Variants in RBFOX1 observed in about 807,000 individuals in gnomAD.
RBFOX1 encodes RNA binding protein fox-1 homolog 1.
RBFOX1 carries 8 observed loss-of-function variants against 57.7 expected under a neutral mutation model. That is an observed-to-expected ratio of 0.14 (90% CI 0.08 to 0.25). The LOEUF (loss-of-function observed/expected upper bound fraction) is 0.25, where lower values mean the gene tolerates loss of function less well. Ranked by LOEUF, RBFOX1 falls within the 10% of genes least tolerant of loss-of-function variation. The pLI, the probability that RBFOX1 is intolerant of heterozygous loss-of-function variation, is 1.00. For missense variants in RBFOX1, 611 were observed against 548.5 expected, an observed-to-expected ratio of 1.11 and a Z score of -1.14; for synonymous variants, 326 against 222.4, an observed-to-expected ratio of 1.47 and a Z score of -4.15.
At chr16:6,021,073 G>C (rs943828704) in intron 1 of RBFOX1, among the ~76,000 whole-genome samples, 1 of 152,204 alleles carries the variant, frequency 6.6e-6, no homozygotes, top group African/African-American at 2.4e-5. Context: ...CAGGCAGTCC[G>C]GGCAATTGGC....
At chr16:6,331,653 C>G (rs1307935960) in intron 2 of RBFOX1, among the ~76,000 whole-genome samples, 4 of 149,410 alleles carry the variant, frequency 2.7e-5, no homozygotes, top group Non-Finnish European at 5.9e-5. Flanking sequence ...CTTCTGTTTT[C>G]TATTCAGTGT....
At chr16:7,329,959 A>G (rs1038583443) in intron 4 of RBFOX1, among the ~76,000 whole-genome samples, 1 of 152,188 alleles carries the variant, frequency 6.6e-6, no homozygotes, top group African/African-American at 2.4e-5. Context: ...AACATTTGGC[A>G]CTGGGTATGT....
At chr16:6,104,863 G>A (rs1185675189) in intron 1 of RBFOX1, among the ~76,000 whole-genome samples, 1 of 152,192 alleles carries the variant, frequency 6.6e-6, no homozygotes, top group African/African-American at 2.4e-5. Flanking sequence ...TGAGATTCCT[G>A]TTTATGAAAT....
At chr16:5,888,726 G>A (rs2057962162) in intron 4 of RBFOX1, among the ~76,000 whole-genome samples, 1 of 151,636 alleles carries the variant, frequency 6.6e-6, no homozygotes, top group Non-Finnish European at 1.5e-5. Flanking sequence ...AATCCGGGAG[G>A]TGGAGGTTGC....
intron 2 of RBFOX1, among the ~76,000 whole-genome samples, chr16:6,345,971 G>A (rs571164068): frequency 2.3e-4 from 35 of 152,186 alleles, no homozygotes; most frequent in Non-Finnish European, 4.4e-4. Context: ...CGGGGAGGGG[G>A]ATTCCAGGTC....
chr16:5,518,689 A>G (rs1212769840), intron 2 of RBFOX1, among the ~76,000 whole-genome samples: 1 of 152,170 alleles, frequency 6.6e-6, no homozygotes, highest in African/African-American at 2.4e-5. Context: ...CCAGGGGTGC[A>G]ACTCTAGGGA....
At chr16:6,771,695 C>G (rs1188665015) in intron 3 of RBFOX1, among the ~76,000 whole-genome samples, 1 of 152,162 alleles carries the variant, frequency 6.6e-6, no homozygotes, top group Non-Finnish European at 1.5e-5. Context: ...ATTAGTGGAG[C>G]AAGGCACTAT....
At chr16:5,255,904 G>T (rs1296430765) in intron 1 of RBFOX1, among the ~76,000 whole-genome samples, 1 of 151,802 alleles carries the variant, frequency 6.6e-6, no homozygotes, top group Non-Finnish European at 1.5e-5. Context: ...ACTGTGCTTT[G>T]ATTTTCTTAT....
At chr16:5,879,500 T>G (rs965342808) in intron 4 of RBFOX1, among the ~76,000 whole-genome samples, 13 of 152,176 alleles carry the variant, frequency 8.5e-5, no homozygotes, top group African/African-American at 2.9e-4. Context: ...TGGCTAATTT[T>G]TGTATTTTTC....
Position 5,284,756 on chromosome 16 carries a change from A to ATTTTTTTTTTTTTTTTTTTTTTTTTT in RBFOX1, c.219+44652_219+44677dup, listed in dbSNP as rs1166998032. Reference sequence around the variant, plus strand: ...GCTGGGTATAGTAGTTTTGGCTTAGATTTTTTTTTTTTTTTTTTTTTTTTT... The same window carrying ATTTTTTTTTTTTTTTTTTTTTTTTTT: ...GCTGGGTATAGTAGTTTTGGCTTAGATTTTTTTTTTTTTTTTTTTTTTTTTTTTTTTTTTTTTTTTTTTTTTTTTTT... On this transcript the variant is annotated intron_variant, in intron 1 of 2. Transcript: ENST00000585867. Among the ~76,000 whole-genome samples the ATTTTTTTTTTTTTTTTTTTTTTTTTT allele has an allele frequency of 6.6e-5, 4 of 61,048 alleles. 1 individual carries two copies. Among genetic ancestry groups the ATTTTTTTTTTTTTTTTTTTTTTTTTT allele is most frequent in the Non-Finnish European group, 8.9e-5 (3 of 33,614 alleles). The allele number at this position is 61,048 out of a possible 152,430, so 40.0% of individuals were successfully genotyped here. A position where few individuals can be genotyped will look rare whatever the true frequency, so the allele number is the denominator to read the frequency against.
At chr16:6,879,194 C>G (rs899742833) in intron 3 of RBFOX1, among the ~76,000 whole-genome samples, 2 of 152,062 alleles carry the variant, frequency 1.3e-5, no homozygotes, top group African/African-American at 4.8e-5. Flanking sequence ...ATAAGTTGTC[C>G]AGTAATATGA....
intron 1 of RBFOX1, among the ~76,000 whole-genome samples, chr16:5,301,368 C>A (rs1025015322): frequency 1.3e-4 from 20 of 152,072 alleles, no homozygotes; most frequent in Non-Finnish European, 2.6e-4. Flanking sequence ...GCCTGTAATA[C>A]CAGCCCTTTG....
At chr16:5,520,602 G>C (rs2043975310) in intron 2 of RBFOX1, among the ~76,000 whole-genome samples, 1 of 152,182 alleles carries the variant, frequency 6.6e-6, no homozygotes, top group African/African-American at 2.4e-5. Flanking sequence ...ATCTTGTCAT[G>C]TTGAGGGAAA....
At chr16:7,239,642 A>AT (rs1235258068) in intron 4 of RBFOX1, among the ~76,000 whole-genome samples, 1 of 152,154 alleles carries the variant, frequency 6.6e-6, no homozygotes, top group Non-Finnish European at 1.5e-5. Flanking sequence ...TTGCCCCCTG[A>AT]TAAGACCGTG....
chr16:7,174,491 A>G (rs1034876860), intron 4 of RBFOX1, among the ~76,000 whole-genome samples: 9 of 152,182 alleles, frequency 5.9e-5, no homozygotes, highest in African/African-American at 1.9e-4. Flanking sequence ...TTAAGAAACC[A>G]CTAAACTGGC....
chr16:7,055,653 C>G (rs888556184), intron 4 of RBFOX1, among the ~76,000 whole-genome samples: 20 of 152,196 alleles, frequency 1.3e-4, no homozygotes, highest in African/African-American at 4.8e-4. Flanking sequence ...ACATCAATCA[C>G]TGGCAAGGTG....
intron 2 of RBFOX1, among the ~76,000 whole-genome samples, chr16:6,506,987 C>T (rs1404131840): frequency 6.6e-6 from 1 of 152,094 alleles, no homozygotes; most frequent in Non-Finnish European, 1.5e-5. Flanking sequence ...TTCTTTATGT[C>T]AGGCAGTGAA....
intron 1 of RBFOX1, among the ~76,000 whole-genome samples, chr16:6,068,837 C>T (rs1327400625): frequency 6.6e-6 from 1 of 152,126 alleles, no homozygotes; most frequent in Non-Finnish European, 1.5e-5. Flanking sequence ...TCTCCCTGTA[C>T]CCGGTTACAG....
chr16:6,618,694 A>G (rs2098179316), intron 2 of RBFOX1, among the ~76,000 whole-genome samples: 1 of 152,146 alleles, frequency 6.6e-6, no homozygotes, highest in East Asian at 1.9e-4. Flanking sequence ...ATGTGTTGGT[A>G]TTAGAAAGGG....
Sources: gnomAD v4.1 joint callset for allele counts (sites outside exome capture counted in the v4.1 genomes callset) on GRCh38, gnomAD v4.1.1 for gene constraint, MANE v1.5 for transcripts, NCBI Gene and HGNC (gene_info 2026-07-23, HGNC 2026-07-21) for gene names.